PALM2AKAP2: variants seen among roughly 807,000 people sequenced by gnomAD.
The protein encoded by PALM2AKAP2 is PALM2-AKAP2 fusion protein.
Under a neutral mutation model 71.5 loss-of-function variants are expected in PALM2AKAP2, and 37 were observed. The ratio of observed to expected loss-of-function variants is 0.52; its 90% CI spans 0.40 to 0.68. The LOEUF (loss-of-function observed/expected upper bound fraction) is 0.68. PALM2AKAP2 is among the 30% of genes least tolerant of loss of function. The pLI is 0.00. For missense variants in PALM2AKAP2, 1,224 were observed against 1,191.8 expected, an observed-to-expected ratio of 1.03 and a Z score of -0.40; for synonymous variants, 468 against 478.8, an observed-to-expected ratio of 0.98 and a Z score of 0.29.
intron 2 of PALM2AKAP2, among the ~76,000 whole-genome samples, chr9:110,146,398 T>C (rs1166019693): frequency 6.6e-6 from 1 of 152,170 alleles, no homozygotes; most frequent in Non-Finnish European, 1.5e-5. Flanking sequence ...CTGGGTTGGC[T>C]CCTGCTGGTG....
chr9:109,689,951 ATGTCATGG>A (rs1474159607), intron 1 of PALM2AKAP2, among the ~76,000 whole-genome samples: 2 of 152,248 alleles, frequency 1.3e-5, no homozygotes, highest in Non-Finnish European at 2.9e-5. Context: ...GAGGCCAGGA[ATGTCATGG>A]AGATAGAGAG....
At chr9:109,915,584 A>G (rs1022241004) in intron 3 of PALM2AKAP2, among the ~76,000 whole-genome samples, 3 of 152,164 alleles carry the variant, frequency 2.0e-5, no homozygotes, top group Non-Finnish European at 2.9e-5. Context: ...CTTTCTGTGT[A>G]TCCATCCATC....
At chr9:110,107,612 G>A (rs541147590) in intron 1 of PALM2AKAP2, among the ~76,000 whole-genome samples, 3 of 152,232 alleles carry the variant, frequency 2.0e-5, no homozygotes, top group Non-Finnish European at 2.9e-5. Context: ...TGTTGCCCAG[G>A]CAGGAGTGCA....
intron 1 of PALM2AKAP2, among the ~76,000 whole-genome samples, chr9:109,792,594 T>G (rs1827145642): frequency 6.6e-6 from 1 of 152,104 alleles, no homozygotes; most frequent in Admixed American, 6.5e-5. Flanking sequence ...TGCTTGGGGC[T>G]ACCTTATACC....
intron 1 of PALM2AKAP2, among the ~76,000 whole-genome samples, chr9:109,770,611 A>T (rs1288429571): frequency 6.6e-6 from 1 of 152,218 alleles, no homozygotes; most frequent in African/African-American, 2.4e-5. Flanking sequence ...GGTAAGAGGC[A>T]ATGACCAGGT....
intron 2 of PALM2AKAP2, among the ~76,000 whole-genome samples, chr9:109,873,078 G>A (rs1829642863): frequency 6.6e-6 from 1 of 152,172 alleles, no homozygotes; most frequent in Admixed American, 6.5e-5. Flanking sequence ...GAAGGATAGG[G>A]GAAGAGAAAG....
At chr9:109,756,832 A>G (rs891586822) in intron 1 of PALM2AKAP2, among the ~76,000 whole-genome samples, 3 of 152,122 alleles carry the variant, frequency 2.0e-5, no homozygotes, top group Admixed American at 2.0e-4. Context: ...AATTCTGACC[A>G]TCTTTAATTT....
chr9:109,724,445 A>T (rs1321839607), intron 1 of PALM2AKAP2, among the ~76,000 whole-genome samples: 2 of 152,220 alleles, frequency 1.3e-5, no homozygotes, highest in African/African-American at 4.8e-5. Flanking sequence ...TTGAAAAACC[A>T]ATAAAAATGA....
intron 6 of PALM2AKAP2, among the ~76,000 whole-genome samples, chr9:109,971,571 G>T (rs956665196): frequency 1.3e-5 from 2 of 151,954 alleles, no homozygotes; most frequent in East Asian, 3.9e-4. Context: ...GATTACAGAC[G>T]TTCGCCACCA....
chr9:109,962,464 T>C (rs1564235458), intron 6 of PALM2AKAP2, among the ~76,000 whole-genome samples: 1 of 152,164 alleles, frequency 6.6e-6, no homozygotes, highest in Non-Finnish European at 1.5e-5. Context: ...GATGCCTTAT[T>C]GAGTAGTTGG....
chr9:110,034,636 G>GTTT (rs1833348100), intron 7 of PALM2AKAP2, among the ~76,000 whole-genome samples: 1 of 112,032 alleles, frequency 8.9e-6, no homozygotes, highest in African/African-American at 3.8e-5. Flanking sequence ...TTGAGACACA[G>GTTT]TTTCGTTGCC....
intron 3 of PALM2AKAP2, among the ~76,000 whole-genome samples, chr9:109,910,051 T>C (rs1830534336): frequency 6.6e-6 from 1 of 152,172 alleles, no homozygotes. Context: ...AGAGAGCCTA[T>C]ACTAGGGCTG....
chr9:109,702,816 TTTTC>T (rs1279221685), intron 1 of PALM2AKAP2, among the ~76,000 whole-genome samples: 1 of 151,078 alleles, frequency 6.6e-6, no homozygotes, highest in African/African-American at 2.4e-5. Flanking sequence ...TTACTTTTTC[TTTTC>T]TTTCTTTTTT....
At chr9:110,057,641 G>A (rs1048736411) in intron 1 of PALM2AKAP2, among the ~76,000 whole-genome samples, 2 of 151,774 alleles carry the variant, frequency 1.3e-5, no homozygotes, top group African/African-American at 4.8e-5. Flanking sequence ...GCCTCCCAAA[G>A]TGCTGGGATT....
intron 1 of PALM2AKAP2, among the ~76,000 whole-genome samples, chr9:109,811,852 C>T (rs922483688): frequency 1.3e-5 from 2 of 152,248 alleles, no homozygotes; most frequent in East Asian, 1.9e-4. Context: ...AGATTATAGG[C>T]ATGAGCCACT....
intron 1 of PALM2AKAP2, among the ~76,000 whole-genome samples, chr9:109,695,320 G>A (rs975162305): frequency 2.6e-5 from 4 of 152,074 alleles, no homozygotes; most frequent in African/African-American, 7.2e-5. Flanking sequence ...TATTCCCAGC[G>A]GTGGGATTGC....
intron 1 of PALM2AKAP2, among the ~76,000 whole-genome samples, chr9:109,769,562 G>A (rs1468591659): frequency 6.6e-6 from 1 of 152,144 alleles, no homozygotes. Context: ...TCAGATTCTG[G>A]CTAGAACTTC....
At chr9:109,938,455 AG>A (rs1215897396) in intron 6 of PALM2AKAP2, among the ~76,000 whole-genome samples, 3 of 152,146 alleles carry the variant, frequency 2.0e-5, no homozygotes. Flanking sequence ...TGTTTTATCT[AG>A]GAAAAAAATA....
intron 6 of PALM2AKAP2, among the ~76,000 whole-genome samples, chr9:110,014,652 A>G (rs1832940208): frequency 6.6e-6 from 1 of 150,852 alleles, no homozygotes; most frequent in South Asian, 2.1e-4. Context: ...ACATACCTGT[A>G]ATCTGAGCTA....
Sources: allele counts gnomAD v4.1 joint callset (sites outside exome capture counted in the v4.1 genomes callset), GRCh38; gene constraint gnomAD v4.1.1; transcripts MANE v1.5; gene names NCBI Gene and HGNC (gene_info 2026-07-23, HGNC 2026-07-21).